TECPR2: variants seen among roughly 807,000 people sequenced by gnomAD.
TECPR2 encodes the protein tectonin beta-propeller repeat containing 2, also known as tectonin beta-propeller repeat-containing protein 2.
In TECPR2, 65 loss-of-function variants were observed where a neutral mutation model predicts 138.1. That is an observed-to-expected ratio of 0.47 (90% CI 0.39 to 0.58). The LOEUF (loss-of-function observed/expected upper bound fraction) is 0.58. Ranked by LOEUF, TECPR2 falls within the 20% of genes least tolerant of loss-of-function variation. The probability of loss-of-function intolerance (pLI) is 0.00; values close to 1 mark genes in which losing one functional copy is unlikely to be tolerated. For missense variants in TECPR2, 1,553 were observed against 1,824.5 expected (o/e 0.85, Z 2.71); for synonymous variants, 746 against 749.8 (o/e 0.99, Z 0.08).
intron 17 of TECPR2, among the ~76,000 whole-genome samples, chr14:102,480,092 G>C (rs1410792547): frequency 6.6e-6 from 1 of 152,148 alleles, no homozygotes; most frequent in Non-Finnish European, 1.5e-5. Context: ...TATCAGTAAA[G>C]TGAAGGGTCA....
intron 1 of TECPR2, among the ~76,000 whole-genome samples, chr14:102,369,028 A>C (rs1399183930): frequency 6.6e-6 from 1 of 152,200 alleles, no homozygotes; most frequent in East Asian, 1.9e-4. Flanking sequence ...GCTGGAGCCT[A>C]GCAAGGGCAG....
chr14:102,469,550 T>A (rs921139931), intron 17 of TECPR2, among the ~76,000 whole-genome samples: 1 of 152,214 alleles, frequency 6.6e-6, no homozygotes, highest in African/African-American at 2.4e-5. Context: ...TATCTGTATG[T>A]CTTTTATTTT....
intron 2 of TECPR2, among the ~76,000 whole-genome samples, chr14:102,388,011 A>G (rs1179522708): frequency 6.6e-6 from 1 of 152,248 alleles, no homozygotes; most frequent in African/African-American, 2.4e-5. Flanking sequence ...GTCATGCTTC[A>G]GAATGTTACA....
At chr14:102,373,262 G>A (rs887011682) in intron 1 of TECPR2, among the ~76,000 whole-genome samples, 8 of 151,758 alleles carry the variant, frequency 5.3e-5, no homozygotes, top group Admixed American at 2.6e-4. Context: ...AAGTACAGAC[G>A]GTTTTCAACT....
At position 102,498,947 on chromosome 14, in the gene TECPR2, C is replaced by CA; in HGVS notation, c.*691dup. 1 of 696,204 alleles carries CA rather than the reference C, an allele frequency of 1.4e-6. No individual in the cohort carries two copies. Among genetic ancestry groups the CA allele is most frequent in the Non-Finnish European group, 2.6e-6 (1 of 381,084 alleles). 43.1% of individuals were successfully genotyped at this position (696,204 alleles called of 1,614,324 possible). A position where few individuals can be genotyped will look rare whatever the true frequency, so the allele number is the denominator to read the frequency against. On this transcript the variant is annotated 3_prime_UTR_variant, in exon 20 of 20. Coordinates refer to ENST00000359520, the MANE Select transcript of TECPR2 (RefSeq NM_014844.5). Reference sequence around the variant, plus strand: ...CACCATACCTCACCACATCTCACCACACCACAGCACACCTCACCACACAAC... The same window carrying CA: ...CACCATACCTCACCACATCTCACCACAACCACAGCACACCTCACCACACAAC...
intron 17 of TECPR2, among the ~76,000 whole-genome samples, chr14:102,466,666 C>T (rs888044838): frequency 6.6e-6 from 1 of 152,170 alleles, no homozygotes; most frequent in Non-Finnish European, 1.5e-5. Flanking sequence ...TTTTAAGTTA[C>T]AACCCGCATA....
intron 6 of TECPR2, among the ~76,000 whole-genome samples, chr14:102,426,823 C>T (rs1258066840): frequency 2.0e-5 from 3 of 152,140 alleles, no homozygotes; most frequent in Non-Finnish European, 4.4e-5. Flanking sequence ...CACACCACTG[C>T]ACTCCAGCCT....
At chr14:102,370,818 C>G (rs755055534) in intron 1 of TECPR2, among the ~76,000 whole-genome samples, 2 of 152,022 alleles carry the variant, frequency 1.3e-5, no homozygotes, top group Non-Finnish European at 2.9e-5. Context: ...GTGGCCCGAG[C>G]TAGGGGTGAC....
intron 17 of TECPR2, among the ~76,000 whole-genome samples, chr14:102,474,046 C>T (rs984631824): frequency 2.0e-5 from 3 of 151,662 alleles, no homozygotes; most frequent in African/African-American, 7.3e-5. Context: ...TCACTTGAAC[C>T]CAGGAGTTCA....
intron 1 of TECPR2, among the ~76,000 whole-genome samples, chr14:102,370,830 C>T (rs767545063): frequency 8.5e-5 from 13 of 152,076 alleles, no homozygotes; most frequent in Non-Finnish European, 1.5e-4. Flanking sequence ...AGGGGTGACA[C>T]ACTGAGGTGT....
At chr14:102,482,518 C>T (rs890139170) in intron 17 of TECPR2, among the ~76,000 whole-genome samples, 16 of 152,222 alleles carry the variant, frequency 1.1e-4, no homozygotes, top group African/African-American at 2.2e-4. Context: ...TCTCTCTACC[C>T]GGGACCCAGC....
At chr14:102,442,579 G>A (rs1224311416) in intron 11 of TECPR2, among the ~76,000 whole-genome samples, 1 of 152,242 alleles carries the variant, frequency 6.6e-6, no homozygotes, top group Non-Finnish European at 1.5e-5. Flanking sequence ...CTCTAAACCA[G>A]TAGTGCCAGA....
intron 17 of TECPR2, among the ~76,000 whole-genome samples, chr14:102,466,417 C>G (rs1020741412): frequency 6.6e-6 from 1 of 152,158 alleles, no homozygotes; most frequent in African/African-American, 2.4e-5. Context: ...TCTGTTTTCC[C>G]TCTGCACACG....
chr14:102,380,199 A>G (rs1021919942), intron 2 of TECPR2, among the ~76,000 whole-genome samples: 1 of 151,568 alleles, frequency 6.6e-6, no homozygotes, highest in Non-Finnish European at 1.5e-5. Context: ...CCCTAGTCAC[A>G]CTGCTGAAGA....
Position 102,459,553 on chromosome 14 carries a change from G to A in TECPR2, c.3641-5588G>A, listed in dbSNP as rs114625850. Among the ~76,000 whole-genome samples, 918 of 152,172 alleles carry A rather than the reference G, an allele frequency of 6.0e-3. 13 individuals are homozygous for A. Among genetic ancestry groups the A allele is most frequent in the African/African-American group, 0.021 (877 of 41,524 alleles). The stretch of plus-strand genomic sequence containing the variant: ...CCAGCACTTTGAGAGGCCAAGGTGC[G>A]TAGATCACGAGATCAAGACTATCCT... On this transcript the variant is annotated intron_variant, in intron 16 of 19. Coordinates refer to ENST00000359520, the MANE Select transcript of TECPR2 (RefSeq NM_014844.5).
At chr14:102,404,193 C>G (rs908090615) in intron 2 of TECPR2, among the ~76,000 whole-genome samples, 1 of 151,998 alleles carries the variant, frequency 6.6e-6, no homozygotes, top group African/African-American at 2.4e-5. Flanking sequence ...CATGAATCAC[C>G]CCGACTAGCC....
chr14:102,428,271 G>A lies in TECPR2; in HGVS notation c.973G>A (p.Gly325Arg), dbSNP rs1889383017. The change falls in exon 7 of 20, where the codon GGA becomes AGA. Residue 325 changes from glycine (G) to arginine (R), a missense_variant. Transcript: ENST00000359520. ...ACAGGCCACAGTTGCTGGTTTGGAA[G>A]GATCCGGTGATATTGTGTCTGTTTC... ...VNQATVAGLE[G>R]SGDIVSVSCT... The A allele has an allele frequency of 6.6e-7, 1 of 1,507,090 alleles. No individual in the cohort carries two copies. The highest frequency in any genetic ancestry group is 9.0e-7 in the Non-Finnish European group (1 of 1,105,534). The allele number at this position is 1,507,090 out of a possible 1,614,324, so 93.4% of individuals were successfully genotyped here.
intron 5 of TECPR2, among the ~76,000 whole-genome samples, chr14:102,423,070 C>A (rs1278609031): frequency 2.0e-5 from 3 of 152,168 alleles, no homozygotes. Context: ...GGTTTGCAGT[C>A]CAGGGGCAAT....
chr14:102,408,512 A>G lies in TECPR2; in HGVS notation c.373A>G (p.Ile125Val). The G allele has an allele frequency of 6.2e-7, 1 of 1,608,910 alleles. No homozygotes were observed. Among genetic ancestry groups the G allele is most frequent in the Non-Finnish European group, 8.5e-7 (1 of 1,178,750 alleles). ...KQLRRFDVTG[I>V]HKNSITALAW... ...GCTTCGGAGATTTGATGTCACTGGT[A>G]TTCACAAAAATAGCATTACAGCTCT... is the stretch of plus-strand genomic sequence containing the variant. The change falls in exon 4 of 20, where the codon ATT becomes GTT. Residue 125 changes from isoleucine (I) to valine (V), a missense_variant. Transcript: ENST00000359520.
Sources: gnomAD v4.1 joint callset for allele counts (sites outside exome capture counted in the v4.1 genomes callset) on GRCh38, gnomAD v4.1.1 for gene constraint, MANE v1.5 for transcripts, NCBI Gene and HGNC (gene_info 2026-07-23, HGNC 2026-07-21) for gene names.